The following ARHGAP20 variants were observed in gnomAD, a reference collection of about 807,000 sequenced individuals.
ARHGAP20 encodes Rho GTPase activating protein 20.
In ARHGAP20, 34 loss-of-function variants were observed where a neutral mutation model predicts 73.7. The ratio of observed to expected loss-of-function variants is 0.46; its 90% CI spans 0.35 to 0.61. The LOEUF (loss-of-function observed/expected upper bound fraction) is 0.61. ARHGAP20 is among the 20% of genes least tolerant of loss of function. The probability of loss-of-function intolerance (pLI) is 0.00; values close to 1 mark genes in which losing one functional copy is unlikely to be tolerated. For missense variants in ARHGAP20, 1,314 were observed against 1,420.9 expected, an observed-to-expected ratio of 0.92 and a Z score of 1.21; for synonymous variants, 523 against 518.2, an observed-to-expected ratio of 1.01 and a Z score of -0.13.
chr11:110,642,916 C>A (rs1184613224), intron 2 of ARHGAP20, among the ~76,000 whole-genome samples: 2 of 151,768 alleles, frequency 1.3e-5, no homozygotes, highest in Admixed American at 6.6e-5. Flanking sequence ...TGGTCCAGGG[C>A]TTTTTTTGGT....
intron 1 of ARHGAP20, among the ~76,000 whole-genome samples, chr11:110,691,902 T>C (rs772104859): frequency 4.6e-5 from 7 of 152,146 alleles, no homozygotes; most frequent in Non-Finnish European, 8.8e-5. Flanking sequence ...GGGTTAAAAA[T>C]AGATAACATC....
chr11:110,578,005 G>A lies in ARHGAP20; in HGVS notation c.*1365C>T, dbSNP rs898770386. On this transcript the variant is annotated 3_prime_UTR_variant, in exon 15 of 15. Coordinates refer to ENST00000683387, the MANE Select transcript of ARHGAP20 (RefSeq NM_001384657.1). Reference sequence around the variant, plus strand: ...AAGAGTTTAAATAAATGGGCTCAGAGCAACTTCTTATAGGTTAGTAGTTAA... The same window carrying A: ...AAGAGTTTAAATAAATGGGCTCAGAACAACTTCTTATAGGTTAGTAGTTAA... The A allele has an allele frequency of 3.0e-6, 3 of 985,384 alleles. 1 individual carries two copies. In the East Asian group the frequency reaches 3.4e-4, roughly 112 times the overall value. The allele number at this position is 985,384 out of a possible 1,614,324, so 61.0% of individuals were successfully genotyped here. A position where few individuals can be genotyped will look rare whatever the true frequency, so the allele number is the denominator to read the frequency against.
chr11:110,692,485 C>A (rs1565480793), intron 1 of ARHGAP20, among the ~76,000 whole-genome samples: 1 of 152,110 alleles, frequency 6.6e-6, no homozygotes, highest in Non-Finnish European at 1.5e-5. Flanking sequence ...TTGTCCCTCA[C>A]ACCCTCTGTC....
chr11:110,608,844 T>C (rs1948296881), intron 8 of ARHGAP20, 140 bp downstream of exon 8: 11 of 643,562 alleles, frequency 1.7e-5, no homozygotes, highest in Middle Eastern at 7.9e-4. Context: ...AAATCTTTGA[T>C]AGATCTTTAT....
intron 2 of ARHGAP20, among the ~76,000 whole-genome samples, chr11:110,650,009 T>C (rs1233612952): frequency 6.6e-6 from 1 of 152,276 alleles, no homozygotes; most frequent in Middle Eastern, 3.4e-3. Context: ...ATAAACTACA[T>C]GAAATCTTTA....
At position 110,643,012 on chromosome 11, in the gene ARHGAP20, C is replaced by T. The variant is rs143041319; in HGVS notation, c.189-12220G>A. On this transcript the variant is annotated intron_variant, in intron 2 of 14. Transcript: ENST00000683387. ...TTCTTCCTGGTTCAATCTTGAGAGGCTGTGCATTTCCAGGAATTTGTCCAT... is the reference window on the plus strand; with the variant it reads ...TTCTTCCTGGTTCAATCTTGAGAGGTTGTGCATTTCCAGGAATTTGTCCAT... Among the ~76,000 whole-genome samples the T allele has an allele frequency of 8.5e-3, 1,288 of 152,078 alleles. 6 individuals carry two copies. The highest frequency in any genetic ancestry group is 0.021 in the South Asian group (100 of 4,822).
In ARHGAP20 at chr11:110,615,735, A is replaced by G. The variant is rs991866568; in HGVS notation, c.504-141T>C. ...TGCACACATAAGCTGCAACCTTGGCATAATTGTGTTCTGGAGAACTCTGCA... is the reference window on the plus strand; with the variant it reads ...TGCACACATAAGCTGCAACCTTGGCGTAATTGTGTTCTGGAGAACTCTGCA... On this transcript the variant is annotated intron_variant, in intron 4 of 14. Coordinates refer to ENST00000683387, the MANE Select transcript of ARHGAP20 (RefSeq NM_001384657.1). The G allele has an allele frequency of 5.6e-6, 4 of 710,036 alleles. No individual in the cohort carries two copies. In the Admixed American group the frequency reaches 1.1e-4, roughly 20 times the overall value. The allele number at this position is 710,036 out of a possible 1,614,324, so 44.0% of individuals were successfully genotyped here.
At chr11:110,711,376 C>T (rs1950650780) in intron 1 of ARHGAP20, among the ~76,000 whole-genome samples, 1 of 151,960 alleles carries the variant, frequency 6.6e-6, no homozygotes, top group Admixed American at 6.5e-5. Flanking sequence ...GGAGAAGGTC[C>T]CCCACCTCAG....
At chr11:110,655,186 AC>A (rs1231567941) in intron 2 of ARHGAP20, among the ~76,000 whole-genome samples, 2 of 152,182 alleles carry the variant, frequency 1.3e-5, no homozygotes, top group Non-Finnish European at 2.9e-5. Flanking sequence ...TGTGCCCAAA[AC>A]ATCAGCAGAA....
intron 2 of ARHGAP20, among the ~76,000 whole-genome samples, chr11:110,685,088 G>A (rs908707509): frequency 2.0e-5 from 3 of 151,854 alleles, no homozygotes; most frequent in Non-Finnish European, 4.4e-5. Context: ...TTTTATCACC[G>A]AAAAATTATA....
intron 3 of ARHGAP20, among the ~76,000 whole-genome samples, chr11:110,627,954 GA>G (rs35601727): frequency 6.6e-6 from 1 of 152,168 alleles, no homozygotes; most frequent in Non-Finnish European, 1.5e-5. Flanking sequence ...ATTTAGTATG[GA>G]AAAGAATTAC....
intron 2 of ARHGAP20, among the ~76,000 whole-genome samples, chr11:110,640,710 G>A (rs1171314607): frequency 7.4e-6 from 1 of 135,098 alleles, no homozygotes; most frequent in East Asian, 2.5e-4. Flanking sequence ...TTATAACAAT[G>A]TGATTGTATG....
rs1432834914 is a variant in ARHGAP20, at chr11:110,712,323, G to A, written c.-92C>T. ...CCGGAGGGGCGAGGACGCGCGGGCGGAGGCGCGGCTGCCGTGCTCAGGCAG... is the reference window on the plus strand; with the variant it reads ...CCGGAGGGGCGAGGACGCGCGGGCGAAGGCGCGGCTGCCGTGCTCAGGCAG... On this transcript the variant is annotated 5_prime_UTR_variant, in exon 1 of 15. Coordinates refer to ENST00000683387, the MANE Select transcript of ARHGAP20 (RefSeq NM_001384657.1). 4.6e-6 allele frequency: 5 copies of A among 1,095,270 alleles called. No homozygotes were observed. The highest frequency in any genetic ancestry group is 3.9e-5 in the South Asian group (1 of 25,770). The allele number at this position is 1,095,270 out of a possible 1,614,324, so 67.8% of individuals were successfully genotyped here.
At chr11:110,604,626 T>C (rs1359922516) in intron 9 of ARHGAP20, among the ~76,000 whole-genome samples, 2 of 152,180 alleles carry the variant, frequency 1.3e-5, no homozygotes, top group African/African-American at 2.4e-5. Context: ...GCTCACATTT[T>C]AGTGGATGGA....
At chr11:110,608,172 A>G (rs1948279101) in intron 8 of ARHGAP20, among the ~76,000 whole-genome samples, 1 of 152,168 alleles carries the variant, frequency 6.6e-6, no homozygotes, top group Non-Finnish European at 1.5e-5. Context: ...TGCATACAAT[A>G]TGCTCTGCAC....
chr11:110,589,445 G>T (rs1006334146), intron 11 of ARHGAP20: 4 of 985,286 alleles, frequency 4.1e-6, no homozygotes, highest in Non-Finnish European at 4.8e-6. Context: ...TGGAGTAGGG[G>T]TATGCAAGAA....
chr11:110,592,211 C>A, intron 9 of ARHGAP20, 56 bp from the exon 10 acceptor site: 1 of 1,485,062 alleles, frequency 6.7e-7, no homozygotes, highest in South Asian at 1.3e-5. Flanking sequence ...AATCTTATTT[C>A]TATAACTTCC....
chr11:110,597,589 T>C (rs1948002331), intron 9 of ARHGAP20, among the ~76,000 whole-genome samples: 1 of 152,138 alleles, frequency 6.6e-6, no homozygotes, highest in Non-Finnish European at 1.5e-5. Flanking sequence ...TGAGCCACTG[T>C]ACACAGCCCT....
At chr11:110,650,249 C>A (rs1436042340) in intron 2 of ARHGAP20, among the ~76,000 whole-genome samples, 1 of 152,112 alleles carries the variant, frequency 6.6e-6, no homozygotes, top group Non-Finnish European at 1.5e-5. Flanking sequence ...AATCTTATTT[C>A]TGAACCCCTG....
Sources: gnomAD v4.1 joint callset for allele counts (sites outside exome capture counted in the v4.1 genomes callset) on GRCh38, gnomAD v4.1.1 for gene constraint, MANE v1.5 for transcripts, NCBI Gene and HGNC (gene_info 2026-07-23, HGNC 2026-07-21) for gene names.